Variants in KAT2B observed in about 807,000 individuals in gnomAD.
KAT2B encodes the protein histone acetyltransferase KAT2B.
Under a neutral mutation model 105.9 loss-of-function variants are expected in KAT2B, and 36 were observed. The ratio of observed to expected loss-of-function variants is 0.34; its 90% CI spans 0.26 to 0.45. KAT2B has a LOEUF of 0.45. Among genes scored for constraint, KAT2B ranks in the 20% least tolerant of loss-of-function variants. KAT2B has a pLI of 1.00. For synonymous variants in KAT2B, 397 were observed against 377.9 expected, an observed-to-expected ratio of 1.05 and a Z score of -0.59; for missense variants, 820 against 1,021.6, an observed-to-expected ratio of 0.80 and a Z score of 2.69.
At chr3:20,140,139 C>T in intron 12 of KAT2B, 82 bp from the exon 13 acceptor site, 1 of 896,182 alleles carries the variant, frequency 1.1e-6, no homozygotes, top group Non-Finnish European at 1.8e-6. Context: ...CTTGATTCCT[C>T]ACACAGTGCC....
intron 2 of KAT2B, among the ~76,000 whole-genome samples, chr3:20,082,652 CATTTTTTGTT>C (rs1458542681): frequency 6.6e-6 from 1 of 152,140 alleles, no homozygotes; most frequent in Non-Finnish European, 1.5e-5. Context: ...AGGAAAAATA[CATTTTTTGTT>C]ATTTTTTGTT....
intron 2 of KAT2B, among the ~76,000 whole-genome samples, chr3:20,083,581 CT>C (rs1698559295): frequency 6.6e-6 from 1 of 152,178 alleles, no homozygotes. Flanking sequence ...GGAGTAGTCT[CT>C]GGATCTGGTA....
At chr3:20,111,279 C>G (rs566976977) in intron 5 of KAT2B, among the ~76,000 whole-genome samples, 1 of 152,242 alleles carries the variant, frequency 6.6e-6, no homozygotes, top group South Asian at 2.1e-4. Context: ...GGCTAAATAG[C>G]GTAATCAAAT....
intron 8 of KAT2B, among the ~76,000 whole-genome samples, chr3:20,121,297 G>A (rs1303103540): frequency 6.6e-6 from 1 of 152,198 alleles, no homozygotes; most frequent in African/African-American, 2.4e-5. Flanking sequence ...TGTGGAGAAT[G>A]TTATATTGAG....
chr3:20,151,205 C>T (rs978275491), intron 17 of KAT2B, among the ~76,000 whole-genome samples: 1 of 152,178 alleles, frequency 6.6e-6, no homozygotes, highest in Non-Finnish European at 1.5e-5. Flanking sequence ...TACACTCTAA[C>T]CAAGATAGGC....
Position 20,103,790 on chromosome 3 carries a change from A to G in KAT2B, c.851+2322A>G, listed in dbSNP as rs77958773. Among the ~76,000 whole-genome samples, 993 of 152,310 alleles carry G rather than the reference A, an allele frequency of 6.5e-3. 10 individuals are homozygous for G. The highest frequency in any genetic ancestry group is 0.022 in the African/African-American group (917 of 41,570). On this transcript the variant is annotated intron_variant, in intron 5 of 17. Coordinates refer to ENST00000263754, the MANE Select transcript of KAT2B (RefSeq NM_003884.5). ...AATTGGTGGCACTTATGAATACTTA[A>G]GAAGTAGTAAAAATGGAAATTGGTT...
At chr3:20,097,598 G>A (rs528968524) in intron 3 of KAT2B, among the ~76,000 whole-genome samples, 1 of 152,248 alleles carries the variant, frequency 6.6e-6, no homozygotes, top group East Asian at 1.9e-4. Flanking sequence ...GTGAAGTGGT[G>A]TGATCTCAGC....
intron 2 of KAT2B, among the ~76,000 whole-genome samples, chr3:20,092,351 C>G (rs1575128302): frequency 6.6e-6 from 1 of 151,706 alleles, no homozygotes; most frequent in African/African-American, 2.4e-5. Context: ...CCATCAGCCT[C>G]TCAAGTAGCT....
intron 9 of KAT2B, among the ~76,000 whole-genome samples, chr3:20,124,335 C>A (rs549793368): frequency 3.9e-5 from 6 of 152,172 alleles, no homozygotes; most frequent in Non-Finnish European, 8.8e-5. Flanking sequence ...GCATCAGCAT[C>A]TGCTCAGCTT....
At chr3:20,144,193 G>A (rs1410218195) in intron 13 of KAT2B, among the ~76,000 whole-genome samples, 3 of 121,954 alleles carry the variant, frequency 2.5e-5, no homozygotes, top group African/African-American at 8.1e-5. Context: ...GAGTCCCTTG[G>A]TGAAGAGAAG....
At chr3:20,112,671 G>C (rs1233439479) in intron 6 of KAT2B, among the ~76,000 whole-genome samples, 1 of 152,168 alleles carries the variant, frequency 6.6e-6, no homozygotes, top group Non-Finnish European at 1.5e-5. Flanking sequence ...ATTTGAAAAG[G>C]CTGGCTAGGT....
intron 2 of KAT2B, among the ~76,000 whole-genome samples, chr3:20,093,537 C>A (rs12106799): frequency 1.3e-5 from 2 of 152,144 alleles, no homozygotes; most frequent in East Asian, 3.9e-4. Flanking sequence ...GCAGCATCCT[C>A]TATCCCAGGC....
intron 9 of KAT2B, 27 bp downstream of exon 9, chr3:20,122,831 G>C (rs776596621): frequency 6.3e-7 from 1 of 1,594,608 alleles, no homozygotes; most frequent in South Asian, 1.1e-5. Context: ...TGGGCAGCCA[G>C]CTGGTAGACC....
intron 5 of KAT2B, among the ~76,000 whole-genome samples, chr3:20,108,160 A>G (rs1699056467): frequency 6.6e-6 from 1 of 152,278 alleles, no homozygotes; most frequent in African/African-American, 2.4e-5. Context: ...TAAATTTTAA[A>G]CAATTAAAAC....
intron 9 of KAT2B, among the ~76,000 whole-genome samples, 196 bp from the exon 10 acceptor site, chr3:20,125,709 C>T (rs573182121): frequency 3.3e-5 from 5 of 152,136 alleles, no homozygotes; most frequent in Admixed American, 6.5e-5. Context: ...GCTTTACCTG[C>T]CTTTTCTGTC....
intron 11 of KAT2B, among the ~76,000 whole-genome samples, chr3:20,132,477 A>T (rs991502247): frequency 5.3e-5 from 8 of 152,256 alleles, no homozygotes; most frequent in Non-Finnish European, 7.3e-5. Flanking sequence ...AAGTTACCAG[A>T]TAGTTAGAAA....
Position 20,148,279 on chromosome 3 carries a change from G to T in KAT2B, c.2193G>T (p.Thr731=). 1 of 1,613,968 alleles carries T rather than the reference G, an allele frequency of 6.2e-7. No individual in the cohort carries two copies. The highest frequency in any genetic ancestry group is 8.5e-7 in the Non-Finnish European group (1 of 1,179,900). ...EPRDPDQLYS[T]LKSILQQVKS... is the part of the protein sequence containing the mutation. ...GAGACCCTGACCAGCTTTACAGCACGCTCAAGAGCATCCTCCAGCAGGTGA... is the reference window on the plus strand; with the variant it reads ...GAGACCCTGACCAGCTTTACAGCACTCTCAAGAGCATCCTCCAGCAGGTGA... Residue 731 remains threonine, a synonymous_variant, in exon 16 of 18, where the codon ACG becomes ACT. Coordinates refer to ENST00000263754, the MANE Select transcript of KAT2B (RefSeq NM_003884.5).
chr3:20,152,686 A>T lies in KAT2B; in HGVS notation c.*161A>T. The stretch of plus-strand genomic sequence containing the variant: ...AAAAAACCTCCTTTTAGCTTTTCAG[A>T]TATGTATTTAAATTGAAGTCATAGG... On this transcript the variant is annotated 3_prime_UTR_variant, in exon 18 of 18. Transcript: ENST00000263754. 1 of 523,934 alleles carries T rather than the reference A, an allele frequency of 1.9e-6. No homozygotes were observed. Among genetic ancestry groups the T allele is most frequent in the Non-Finnish European group, 3.4e-6 (1 of 296,694 alleles). The allele number at this position is 523,934 out of a possible 1,614,324, so 32.5% of individuals were successfully genotyped here. A position where few individuals can be genotyped will look rare whatever the true frequency, so the allele number is the denominator to read the frequency against.
chr3:20,070,234 T>A (rs573191261), intron 1 of KAT2B, among the ~76,000 whole-genome samples: 2 of 152,236 alleles, frequency 1.3e-5, no homozygotes, highest in East Asian at 3.9e-4. Flanking sequence ...AAAGGACTCA[T>A]TCAAAGGCAG....
Sources: allele counts gnomAD v4.1 joint callset (sites outside exome capture counted in the v4.1 genomes callset), GRCh38; gene constraint gnomAD v4.1.1; transcripts MANE v1.5; gene names NCBI Gene and HGNC (gene_info 2026-07-23, HGNC 2026-07-21).